The following SORCS1 variants were observed in gnomAD, a reference collection of about 807,000 sequenced individuals.
SORCS1 encodes the protein sortilin related VPS10 domain containing receptor 1, also known as VPS10 domain-containing receptor SorCS1.
In SORCS1, 60 loss-of-function variants were observed where a neutral mutation model predicts 146.1. That is an observed-to-expected ratio of 0.41 (90% CI 0.33 to 0.51). SORCS1 has a LOEUF of 0.51. SORCS1 is among the 20% of genes least tolerant of loss of function. The pLI is 0.21. For synonymous variants in SORCS1, 637 were observed against 584.0 expected, an observed-to-expected ratio of 1.09 and a Z score of -1.31; for missense variants, 1,352 against 1,487.6, an observed-to-expected ratio of 0.91 and a Z score of 1.50.
chr10:107,139,381 T>A (rs1184617964), intron 1 of SORCS1, among the ~76,000 whole-genome samples: 1 of 152,230 alleles, frequency 6.6e-6, no homozygotes, highest in Admixed American at 6.5e-5. Flanking sequence ...TTTCTATTAC[T>A]ATTTATCTAT....
At chr10:107,101,493 T>C (rs1216659623) in intron 1 of SORCS1, among the ~76,000 whole-genome samples, 2 of 152,324 alleles carry the variant, frequency 1.3e-5, no homozygotes, top group Non-Finnish European at 2.9e-5. Context: ...TATGATGTCA[T>C]GTAACTACCA....
At chr10:106,708,337 C>T (rs993336632) in intron 7 of SORCS1, among the ~76,000 whole-genome samples, 4 of 151,864 alleles carry the variant, frequency 2.6e-5, no homozygotes, top group African/African-American at 4.8e-5. Context: ...CAAATTGCAT[C>T]CTCAAAGCAT....
At chr10:106,603,141 G>C (rs570766668) in intron 23 of SORCS1, among the ~76,000 whole-genome samples, 2 of 152,266 alleles carry the variant, frequency 1.3e-5, no homozygotes, top group East Asian at 1.9e-4. Flanking sequence ...AATCACGATA[G>C]AGCATGGCGG....
chr10:107,088,316 C>A (rs893907837), intron 1 of SORCS1, among the ~76,000 whole-genome samples: 2 of 152,036 alleles, frequency 1.3e-5, no homozygotes, highest in Non-Finnish European at 2.9e-5. Context: ...AATTGTGAGA[C>A]AAAATTAAGA....
At chr10:106,917,463 T>G (rs1463504515) in intron 2 of SORCS1, among the ~76,000 whole-genome samples, 2 of 152,210 alleles carry the variant, frequency 1.3e-5, no homozygotes, top group Non-Finnish European at 2.9e-5. Flanking sequence ...ATGATATTTT[T>G]GCTTGTTTAG....
At chr10:107,116,090 G>A (rs1330590047) in intron 1 of SORCS1, among the ~76,000 whole-genome samples, 1 of 151,918 alleles carries the variant, frequency 6.6e-6, no homozygotes, top group Admixed American at 6.6e-5. Flanking sequence ...ATAGTAGGAT[G>A]GCCATTATCA....
intron 2 of SORCS1, among the ~76,000 whole-genome samples, chr10:106,897,539 G>T (rs1438495319): frequency 6.6e-6 from 1 of 151,896 alleles, no homozygotes; most frequent in Non-Finnish European, 1.5e-5. Flanking sequence ...AAAAACATCA[G>T]CTTTTGTGGT....
intron 1 of SORCS1, among the ~76,000 whole-genome samples, chr10:107,077,617 C>A (rs1275439917): frequency 3.3e-5 from 5 of 150,688 alleles, no homozygotes; most frequent in Non-Finnish European, 7.4e-5. Flanking sequence ...TCTCATTTAA[C>A]CCTCATAAGA....
chr10:107,046,203 CA>C (rs1959411588), intron 1 of SORCS1, among the ~76,000 whole-genome samples: 1 of 152,058 alleles, frequency 6.6e-6, no homozygotes, highest in Non-Finnish European at 1.5e-5. Context: ...CTTGGCCTCC[CA>C]AAGTGCTGGA....
Position 106,782,880 on chromosome 10 carries a change from G to C in SORCS1, c.727-6188C>G, listed in dbSNP as rs138840754. Reference sequence around the variant, plus strand: ...TGCACCACAGACTTCTGTTCCACAGGAAGAGCCATAACCTAATCCTAAACC... The same window carrying C: ...TGCACCACAGACTTCTGTTCCACAGCAAGAGCCATAACCTAATCCTAAACC... On this transcript the variant is annotated intron_variant, in intron 3 of 25. Coordinates refer to ENST00000263054, the MANE Select transcript of SORCS1 (RefSeq NM_052918.5). Among the ~76,000 whole-genome samples the C allele has an allele frequency of 5.5e-3, 838 of 152,316 alleles. 4 individuals carry two copies. Among genetic ancestry groups the C allele is most frequent in the Non-Finnish European group, 0.01 (697 of 68,022 alleles).
chr10:106,755,584 T>TTGTG (rs57442916), intron 5 of SORCS1, among the ~76,000 whole-genome samples: 2,461 of 149,928 alleles, frequency 0.016, 65 homozygotes, highest in African/African-American at 0.057. Flanking sequence ...AACATAATCT[T>TTGTG]TGTGTGTGTG....
At chr10:106,850,360 C>A (rs554767433) in intron 2 of SORCS1, among the ~76,000 whole-genome samples, 2 of 152,000 alleles carry the variant, frequency 1.3e-5, no homozygotes, top group South Asian at 2.1e-4. Context: ...CAGGTGCGTC[C>A]GTCACCCCTT....
chr10:106,620,329 C>T, intron 20 of SORCS1, 99 bp downstream of exon 20: 2 of 1,461,344 alleles, frequency 1.4e-6, no homozygotes, highest in Non-Finnish European at 9.2e-7. Flanking sequence ...ACAACTGCTT[C>T]TACACTCTAG....
intron 4 of SORCS1, among the ~76,000 whole-genome samples, chr10:106,774,767 A>G (rs1212079024): frequency 2.0e-5 from 3 of 152,130 alleles, no homozygotes; most frequent in Non-Finnish European, 4.4e-5. Flanking sequence ...CTCTTAAACT[A>G]TTGGTCAACT....
intron 4 of SORCS1, among the ~76,000 whole-genome samples, chr10:106,773,379 C>T (rs766145199): frequency 1.3e-5 from 2 of 152,146 alleles, no homozygotes; most frequent in South Asian, 4.1e-4. Flanking sequence ...TATCACTGAC[C>T]CACCTGAGTG....
chr10:106,886,539 G>A (rs1452348597), intron 2 of SORCS1, among the ~76,000 whole-genome samples: 1 of 152,086 alleles, frequency 6.6e-6, no homozygotes, highest in Non-Finnish European at 1.5e-5. Context: ...TCTTTTCCAA[G>A]TACCCTGTGA....
In SORCS1 at chr10:106,674,981, G is replaced by T. The variant is rs943182263; in HGVS notation, c.1940+68C>A. On this transcript the variant is annotated intron_variant, in intron 14 of 25. Coordinates refer to ENST00000263054, the MANE Select transcript of SORCS1 (RefSeq NM_052918.5). ...AACAGCTGCAAATCAAACAGGCTTA[G>T]CTATAAAACATTTTTGTGGATTACT... 2.3e-5 allele frequency: 29 copies of T among 1,259,452 alleles called. No individual in the cohort carries two copies. The African/African-American group carries it at 3.6e-4, about 15-fold the overall frequency. 78.0% of individuals were successfully genotyped at this position (1,259,452 alleles called of 1,614,324 possible). A position where few individuals can be genotyped will look rare whatever the true frequency, so the allele number is the denominator to read the frequency against.
At chr10:107,118,225 C>A (rs552913206) in intron 1 of SORCS1, among the ~76,000 whole-genome samples, 200 of 152,310 alleles carry the variant, frequency 1.3e-3, no homozygotes, top group African/African-American at 4.5e-3. Context: ...ACAGCCATCT[C>A]TGAACCAGGA....
At chr10:107,122,266 A>G (rs1966452457) in intron 1 of SORCS1, among the ~76,000 whole-genome samples, 1 of 152,234 alleles carries the variant, frequency 6.6e-6, no homozygotes, top group African/African-American at 2.4e-5. Context: ...TATTTCGTCC[A>G]TGTACTATTT....
Sources: allele counts gnomAD v4.1 joint callset (sites outside exome capture counted in the v4.1 genomes callset), GRCh38; gene constraint gnomAD v4.1.1; transcripts MANE v1.5; gene names NCBI Gene and HGNC (gene_info 2026-07-23, HGNC 2026-07-21).